VDAC1: variants seen among roughly 807,000 people sequenced by gnomAD.
The protein encoded by VDAC1 is voltage dependent anion channel 1, also known as non-selective voltage-gated ion channel VDAC1.
In VDAC1, 10 loss-of-function variants were observed where a neutral mutation model predicts 34.7. That is an observed-to-expected ratio of 0.29 (90% confidence interval 0.18 to 0.49). VDAC1 has a LOEUF of 0.49. VDAC1 is among the 20% of genes least tolerant of loss of function. The pLI, the probability that VDAC1 is intolerant of heterozygous loss-of-function variation, is 0.99. For synonymous variants in VDAC1, 130 were observed against 136.0 expected (o/e 0.96, Z 0.30); for missense variants, 230 against 347.9 (o/e 0.66, Z 2.69).
intron 8 of VDAC1, among the ~76,000 whole-genome samples, chr5:133,973,392 G>A (rs996887838): frequency 3.9e-5 from 6 of 152,212 alleles, no homozygotes; most frequent in East Asian, 1.9e-4. Flanking sequence ...ATAATACGCC[G>A]TGGACTGGCC....
At chr5:134,015,704 G>A in the VDAC1 span, among the ~76,000 whole-genome samples, 1 of 151,356 alleles carries the variant, frequency 6.6e-6, no homozygotes, top group Non-Finnish European at 1.5e-5. Context: ...GAGTGCAATG[G>A]CACCATCTCA....
At chr5:134,017,425 C>T in the VDAC1 span, among the ~76,000 whole-genome samples, 2 of 152,070 alleles carry the variant, frequency 1.3e-5, no homozygotes, top group African/African-American at 4.8e-5. Context: ...CATCGCACTC[C>T]AGCCTGGGCA....
At chr5:134,043,777 C>T in the VDAC1 span, among the ~76,000 whole-genome samples, 4 of 152,178 alleles carry the variant, frequency 2.6e-5, no homozygotes, top group Non-Finnish European at 5.9e-5. Flanking sequence ...AAGCGATCCA[C>T]CCATCTTGGC....
chr5:134,070,865 T>C, the VDAC1 span, among the ~76,000 whole-genome samples: 1 of 152,244 alleles, frequency 6.6e-6, no homozygotes, highest in African/African-American at 2.4e-5. Context: ...TCTGCGATTA[T>C]TTTCTAGGCA....
chr5:134,072,536 G>C, the VDAC1 span, among the ~76,000 whole-genome samples: 23 of 152,280 alleles, frequency 1.5e-4, no homozygotes, highest in East Asian at 3.5e-3. Context: ...CAGCACACTG[G>C]GGGGAAAGGA....
intron 1 of VDAC1, among the ~76,000 whole-genome samples, chr5:133,999,686 T>C (rs1753466886): frequency 6.6e-6 from 1 of 152,128 alleles, no homozygotes; most frequent in Non-Finnish European, 1.5e-5. Flanking sequence ...CCCTCTCTTG[T>C]AGGCCTCAGG....
the VDAC1 span, among the ~76,000 whole-genome samples, chr5:134,058,564 C>T: frequency 3.3e-5 from 5 of 152,272 alleles, no homozygotes; most frequent in South Asian, 8.3e-4. Flanking sequence ...ATCCACCTGC[C>T]TTGGCCTCCC....
At chr5:133,998,290 C>G (rs1333435784) in intron 1 of VDAC1, among the ~76,000 whole-genome samples, 1 of 152,184 alleles carries the variant, frequency 6.6e-6, no homozygotes, top group African/African-American at 2.4e-5. Context: ...AAGGAATGCA[C>G]TTCAAATCGA....
the VDAC1 span, among the ~76,000 whole-genome samples, chr5:134,055,619 T>TTTC: frequency 4.6e-5 from 5 of 109,444 alleles, no homozygotes; most frequent in African/African-American, 1.6e-4. Context: ...TTTTTTTTTT[T>TTTC]AGTAGAGACA....
At chr5:134,095,094 A>G in the VDAC1 span, among the ~76,000 whole-genome samples, 1 of 152,260 alleles carries the variant, frequency 6.6e-6, no homozygotes, top group African/African-American at 2.4e-5. Flanking sequence ...GGTGTGGTCA[A>G]ATACATTTGG....
chr5:134,007,146 A>C (rs1753769417), upstream of VDAC1, among the ~76,000 whole-genome samples: 1 of 152,050 alleles, frequency 6.6e-6, no homozygotes. Context: ...CGTGAAGCTA[A>C]GGCAGGAGAA....
intron 1 of VDAC1, 76 bp downstream of exon 1, chr5:134,004,819 C>A (rs905305971): frequency 6.6e-6 from 1 of 150,540 alleles, no homozygotes; most frequent in East Asian, 2.0e-4. Flanking sequence ...CCGGCGCGCT[C>A]CGCCCCCAGG....
At chr5:134,094,697 A>G in the VDAC1 span, among the ~76,000 whole-genome samples, 3 of 14,710 alleles carry the variant, frequency 2.0e-4, no homozygotes, top group African/African-American at 3.1e-4. Context: ...CTCCGTCTCA[A>G]AAAAAAAAAA....
At chr5:134,011,725 C>T in the VDAC1 span, among the ~76,000 whole-genome samples, 2 of 151,748 alleles carry the variant, frequency 1.3e-5, no homozygotes, top group African/African-American at 2.4e-5. Context: ...CTGCAACCTC[C>T]GCCTCCTGGG....
At chr5:134,063,764 G>A in the VDAC1 span, among the ~76,000 whole-genome samples, 4 of 152,158 alleles carry the variant, frequency 2.6e-5, no homozygotes, top group Non-Finnish European at 5.9e-5. Flanking sequence ...GATGTGCCTG[G>A]CCTGAACTGC....
rs753259428 is a variant in VDAC1, at chr5:133,993,015, T to C, written c.-3A>G. On this transcript the variant is annotated 5_prime_UTR_variant, in exon 2 of 9. Transcript: ENST00000265333. ...GCATACGTGGGTGGCACAGCCATCT[T>C]CTGCTATGATAAAAGAATCACCAGA... 1.2e-6 allele frequency: 2 copies of C among 1,610,602 alleles called. No homozygotes were observed. The highest frequency in any genetic ancestry group is 1.7e-6 in the Non-Finnish European group (2 of 1,178,638).
chr5:134,103,096 C>T, the VDAC1 span, among the ~76,000 whole-genome samples: 1 of 152,098 alleles, frequency 6.6e-6, no homozygotes, highest in African/African-American at 2.4e-5. Flanking sequence ...CATGACCCCA[C>T]GCCCTGTCCA....
upstream of VDAC1, among the ~76,000 whole-genome samples, chr5:134,006,650 C>T (rs933693688): frequency 4.1e-5 from 6 of 147,074 alleles, no homozygotes; most frequent in Admixed American, 2.1e-4. Context: ...GGCTGAGGCA[C>T]GAGAATCGCT....
At chr5:134,055,588 G>GTTTTTGTT in the VDAC1 span, among the ~76,000 whole-genome samples, 5 of 59,616 alleles carry the variant, frequency 8.4e-5, no homozygotes, top group African/African-American at 2.9e-4. Flanking sequence ...CCCCGCTAAT[G>GTTTTTGTT]TTTTTTTTTT....
Sources: allele counts gnomAD v4.1 joint callset (sites outside exome capture counted in the v4.1 genomes callset), GRCh38; gene constraint gnomAD v4.1.1; transcripts MANE v1.5; gene names NCBI Gene and HGNC (gene_info 2026-07-23, HGNC 2026-07-21).